The following LCORL variants were observed in gnomAD, a reference collection of about 807,000 sequenced individuals.
LCORL encodes ligand-dependent nuclear receptor corepressor-like protein.
In LCORL, 41 loss-of-function variants were observed where a neutral mutation model predicts 141.8. The observed-to-expected ratio is 0.29, with a 90% confidence interval of 0.23 to 0.38. LCORL has a LOEUF of 0.38. LCORL is among the 10% of genes least tolerant of loss of function. The probability of loss-of-function intolerance (pLI) is 1.00; values close to 1 mark genes in which losing one functional copy is unlikely to be tolerated. For missense variants in LCORL, 1,759 were observed against 2,035.0 expected (o/e 0.86, Z 2.61); for synonymous variants, 618 against 694.1 (o/e 0.89, Z 1.72).
At chr4:17,953,380 C>G (rs966896732) in intron 4 of LCORL, among the ~76,000 whole-genome samples, 2 of 152,160 alleles carry the variant, frequency 1.3e-5, no homozygotes, top group East Asian at 3.9e-4. Flanking sequence ...GTAAGTGTTC[C>G]CTTTTCTCCA....
intron 1 of LCORL, among the ~76,000 whole-genome samples, chr4:17,990,197 C>T (rs1008236316): frequency 6.9e-6 from 1 of 145,810 alleles, no homozygotes; most frequent in African/African-American, 2.6e-5. Context: ...CTCCTGGGTT[C>T]ACGCCATTCT....
At chr4:18,013,616 C>G (rs955455206) in intron 1 of LCORL, among the ~76,000 whole-genome samples, 4 of 152,298 alleles carry the variant, frequency 2.6e-5, no homozygotes, top group African/African-American at 9.6e-5. Flanking sequence ...TAAGTCCTTT[C>G]TACCACTTGT....
intron 4 of LCORL, among the ~76,000 whole-genome samples, chr4:17,955,945 A>G (rs1056824292): frequency 3.9e-5 from 6 of 152,102 alleles, no homozygotes; most frequent in African/African-American, 1.4e-4. Context: ...CAATGAGGTG[A>G]AAAAAGACTG....
chr4:17,909,905 T>C lies in LCORL; in HGVS notation c.431-560A>G, dbSNP rs147110427. Among the ~76,000 whole-genome samples the C allele has an allele frequency of 3.4e-3, 512 of 152,246 alleles. 7 individuals carry two copies. Among genetic ancestry groups the C allele is most frequent in the African/African-American group, 0.012 (482 of 41,564 alleles). The stretch of plus-strand genomic sequence containing the variant: ...TGATTATAAATAAAAAATGAAAGAA[T>C]AGTACAATGACATAGCTTCCACTAA... On this transcript the variant is annotated intron_variant, in intron 4 of 7. Coordinates refer to ENST00000635767, the Ensembl canonical transcript of LCORL.
intron 4 of LCORL, among the ~76,000 whole-genome samples, chr4:17,925,322 A>G (rs1734947482): frequency 6.6e-6 from 1 of 152,146 alleles, no homozygotes; most frequent in South Asian, 2.1e-4. Context: ...TCTTAGTATT[A>G]CCATGCCCTG....
intron 7 of LCORL, among the ~76,000 whole-genome samples, chr4:17,859,720 G>A (rs928026424): frequency 6.6e-6 from 1 of 152,178 alleles, no homozygotes; most frequent in African/African-American, 2.4e-5. Flanking sequence ...AAGACTTGGA[G>A]AAGAAATGCA....
At chr4:17,874,368 C>A (rs1726696716) in exon 7 of LCORL, 2 of 1,233,612 alleles carry the variant, frequency 1.6e-6, no homozygotes, top group Non-Finnish European at 2.0e-6. Context: ...ATATTTGGTC[C>A]CTAATTTGAT....
chr4:17,990,096 GTT>G (rs372033680), intron 1 of LCORL, among the ~76,000 whole-genome samples: 19 of 122,632 alleles, frequency 1.5e-4, no homozygotes, highest in East Asian at 4.4e-4. Flanking sequence ...AACTCTCTGC[GTT>G]TTTTTTTTTT....
intron 1 of LCORL, among the ~76,000 whole-genome samples, chr4:18,018,445 C>A (rs1328104870): frequency 6.6e-6 from 1 of 152,030 alleles, no homozygotes; most frequent in Non-Finnish European, 1.5e-5. Flanking sequence ...GGTTGTAGGA[C>A]AACTCTTCAA....
intron 1 of LCORL, among the ~76,000 whole-genome samples, chr4:17,999,133 A>G (rs1477117867): frequency 6.6e-6 from 1 of 150,864 alleles, no homozygotes; most frequent in East Asian, 1.9e-4. Context: ...ATTTGTTTGT[A>G]CTAGCATTAC....
chr4:18,012,113 C>T (rs1723905125), intron 1 of LCORL, among the ~76,000 whole-genome samples: 1 of 152,208 alleles, frequency 6.6e-6, no homozygotes. Context: ...TTGGAAGAAA[C>T]TTGGCTCTTT....
exon 8 of LCORL, chr4:17,843,570 AT>A (rs1452990847): frequency 1.8e-5 from 15 of 820,110 alleles, no homozygotes; most frequent in Non-Finnish European, 2.7e-5. Flanking sequence ...TTTGGCCTGT[AT>A]TAAAGCAGTA....
intron 1 of LCORL, among the ~76,000 whole-genome samples, chr4:17,999,024 ATATATAG>A (rs1721464722): frequency 7.0e-6 from 1 of 142,302 alleles, no homozygotes; most frequent in Admixed American, 7.0e-5. Flanking sequence ...ATATATATAT[ATATATAG>A]TATAGTAAAT....
intron 4 of LCORL, among the ~76,000 whole-genome samples, chr4:17,940,112 G>GTGTGTATATATATATGTATA (rs1737619783): frequency 8.0e-6 from 1 of 125,636 alleles, no homozygotes; most frequent in Non-Finnish European, 1.5e-5. Context: ...AGATATATGT[G>GTGTGTATATATATATGTATA]TGTGTATATA....
At chr4:17,928,136 G>A (rs984939386) in intron 4 of LCORL, among the ~76,000 whole-genome samples, 2 of 152,172 alleles carry the variant, frequency 1.3e-5, no homozygotes, top group African/African-American at 4.8e-5. Context: ...GCTGGGCATA[G>A]TAGCTCAAGC....
At chr4:17,875,928 G>A in exon 7 of LCORL, 4 of 1,231,176 alleles carry the variant, frequency 3.2e-6, no homozygotes, top group Non-Finnish European at 3.0e-6. Context: ...ATAATGACTG[G>A]AGTGATAATT....
At chr4:17,891,986 A>C (rs1729147447) in intron 5 of LCORL, among the ~76,000 whole-genome samples, 1 of 152,212 alleles carries the variant, frequency 6.6e-6, no homozygotes, top group South Asian at 2.1e-4. Flanking sequence ...TTAGCAAAAA[A>C]ATCAACAAAG....
chr4:17,855,997 G>A (rs747380549), intron 7 of LCORL, among the ~76,000 whole-genome samples: 30 of 152,180 alleles, frequency 2.0e-4, no homozygotes, highest in South Asian at 6.2e-4. Context: ...TCAATCTTTC[G>A]TTTTCCTCAA....
exon 8 of LCORL, chr4:17,845,109 T>G (rs1722786341): frequency 6.6e-6 from 1 of 152,432 alleles, no homozygotes; most frequent in African/African-American, 2.4e-5. Context: ...TGCTGAACAG[T>G]AAACATGCAA....
Sources: allele counts gnomAD v4.1 joint callset (sites outside exome capture counted in the v4.1 genomes callset), GRCh38; gene constraint gnomAD v4.1.1; transcripts MANE v1.5; gene names NCBI Gene and HGNC (gene_info 2026-07-23, HGNC 2026-07-21).